The following CFAP57 variants were observed in gnomAD, a reference collection of about 807,000 sequenced individuals.
The protein encoded by CFAP57 is cilia and flagella associated protein 57, also known as cilia- and flagella-associated protein 57.
In CFAP57, 116 loss-of-function variants were observed where a neutral mutation model predicts 146.8. That is an observed-to-expected ratio of 0.79 (90% confidence interval 0.68 to 0.92). CFAP57 has a LOEUF of 0.92. Ranked by LOEUF, CFAP57 falls within the 40% of genes least tolerant of loss-of-function variation. The pLI is 0.00. For missense variants in CFAP57, 1,377 were observed against 1,527.2 expected (o/e 0.90, Z 1.64); for synonymous variants, 518 against 552.8 (o/e 0.94, Z 0.88).
chr1:43,232,311 G>GCAT, intron 18 of CFAP57, 197 bp from the exon 19 acceptor site: 1 of 599,018 alleles, frequency 1.7e-6, no homozygotes, highest in African/African-American at 1.8e-5. Context: ...TGCTGGTTTA[G>GCAT]CATATCAGTC....
In CFAP57 at chr1:43,234,282, C is replaced by G; in HGVS notation, c.3130C>G (p.Arg1044Gly). Residue 1044 changes from arginine (R) to glycine (G), a missense_variant, in exon 20 of 23, where the codon CGA (arginine) becomes GGA (glycine). Coordinates refer to ENST00000372492, the MANE Select transcript of CFAP57 (RefSeq NM_001378189.1). ...QEMRRERQKE[R>G]DLEALVKRFK... is the part of the protein sequence containing the mutation. The stretch of plus-strand genomic sequence containing the variant: ...AAGGAAACGTCTCTGATTGCAGGAG[C>G]GAGACTTGGAAGCGCTGGTCAAAAG... 1 of 1,545,790 alleles carries G rather than the reference C, an allele frequency of 6.5e-7. No individual in the cohort carries two copies. The highest frequency in any genetic ancestry group is 8.7e-7 in the Non-Finnish European group (1 of 1,144,680).
At chr1:43,192,130 T>G (rs1187766721) in intron 6 of CFAP57, among the ~76,000 whole-genome samples, 1 of 152,182 alleles carries the variant, frequency 6.6e-6, no homozygotes, top group Non-Finnish European at 1.5e-5. Context: ...TCTTTTAAAT[T>G]TATTAAGGTT....
At chr1:43,184,997 T>C (rs1642939039) in intron 4 of CFAP57, 152 bp from the exon 5 acceptor site, 2 of 821,658 alleles carry the variant, frequency 2.4e-6, no homozygotes, top group Non-Finnish European at 4.0e-6. Context: ...TGTGTACGGT[T>C]CCCAAGCCAA....
chr1:43,193,748 G>T (rs1569963782), intron 6 of CFAP57, among the ~76,000 whole-genome samples: 1 of 151,708 alleles, frequency 6.6e-6, no homozygotes, highest in East Asian at 1.9e-4. Flanking sequence ...ATATTTTAAA[G>T]AAGCTGAGGT....
Position 43,185,247 on chromosome 1 carries a change from C to T in CFAP57, c.860C>T (p.Ala287Val), listed in dbSNP as rs765560668. 2.8e-5 allele frequency: 45 copies of T among 1,614,028 alleles called. No homozygotes were observed. Among genetic ancestry groups the T allele is most frequent in the Non-Finnish European group, 3.6e-5 (43 of 1,180,044 alleles). Residue 287 changes from alanine (A) to valine (V), a missense_variant, in exon 5 of 23, where the codon GCC becomes GTC. Ala to Val is a moderately conservative substitution (Grantham distance 64). Transcript: ENST00000372492. ...CAGATGTCCATGCCCCAGGTGTTTG[C>T]CATTGCAGCCTATTCAAAGGGATTT... is the stretch of plus-strand genomic sequence containing the variant. ...HSQMSMPQVF[A>V]IAAYSKGFAC... is the part of the protein sequence containing the mutation.
chr1:43,179,429 A>G (rs907281023), intron 2 of CFAP57, among the ~76,000 whole-genome samples: 1 of 152,228 alleles, frequency 6.6e-6, no homozygotes, highest in East Asian at 1.9e-4. Context: ...AGTTCCAGAC[A>G]CTGGTGATTG....
intron 21 of CFAP57, 46 bp from the exon 22 acceptor site, chr1:43,243,181 A>G: frequency 6.5e-7 from 1 of 1,543,192 alleles, no homozygotes; most frequent in Non-Finnish European, 8.7e-7. Context: ...GTGCCCACTG[A>G]CCACTCATCC....
chr1:43,222,413 G>T (rs1269803693), intron 15 of CFAP57, 118 bp downstream of exon 15: 2 of 903,660 alleles, frequency 2.2e-6, no homozygotes, highest in Non-Finnish European at 3.0e-6. Context: ...GTCAGACATG[G>T]TTTCTACCCC....
rs1386359734 is a variant in CFAP57, at chr1:43,219,416, A to C, written c.2126A>C (p.Glu709Ala). ...QVMLELKTRV[E>A]ELKMENEYQL... ...ATGTTGGAGCTAAAGACTCGTGTGG[A>C]GGAATTAAAAATGGAGAATGAGTAT... is the stretch of plus-strand genomic sequence containing the variant. The change falls in exon 13 of 23, where the codon GAG becomes GCG. Residue 709 changes from glutamate (E) to alanine (A), a missense_variant. Physicochemically the swap from Glu to Ala is moderately radical, Grantham distance 107. Transcript: ENST00000372492. 1.3e-6 allele frequency: 2 copies of C among 1,550,724 alleles called. No individual in the cohort carries two copies. Among genetic ancestry groups the C allele is most frequent in the Non-Finnish European group, 1.7e-6 (2 of 1,147,002 alleles).
In CFAP57 at chr1:43,186,694, G is replaced by A; in HGVS notation, c.970-13G>A. ...TGGGGACATTACTGATAGCTGTTTT[G>A]CATTTTGGGCAGATTCCTGTGGACC... On this transcript the variant is annotated splice_polypyrimidine_tract_variant and intron_variant, in intron 5 of 22. Coordinates refer to ENST00000372492, the MANE Select transcript of CFAP57 (RefSeq NM_001378189.1). The A allele has an allele frequency of 6.2e-7, 1 of 1,613,016 alleles. No individual in the cohort carries two copies. Among genetic ancestry groups the A allele is most frequent in the Non-Finnish European group, 8.5e-7 (1 of 1,179,796 alleles).
intron 12 of CFAP57, among the ~76,000 whole-genome samples, chr1:43,218,423 G>A (rs1471525175): frequency 1.3e-5 from 2 of 151,896 alleles, no homozygotes; most frequent in Non-Finnish European, 2.9e-5. Context: ...AACATAGTGA[G>A]ATCCCCATCT....
At chr1:43,234,248 C>T (rs1273229530) in intron 19 of CFAP57, 31 bp from the exon 20 acceptor site, 3 of 1,531,694 alleles carry the variant, frequency 2.0e-6, no homozygotes, top group Admixed American at 2.1e-5. Flanking sequence ...GAGCACCCTA[C>T]AGCACCAGAA....
chr1:43,242,472 G>T (rs1217661412), intron 21 of CFAP57, among the ~76,000 whole-genome samples: 1 of 152,182 alleles, frequency 6.6e-6, no homozygotes, highest in Non-Finnish European at 1.5e-5. Flanking sequence ...TGGATGGATG[G>T]ATGGATGGAT....
At chr1:43,182,091 C>T (rs1645435787) in intron 3 of CFAP57, among the ~76,000 whole-genome samples, 1 of 152,154 alleles carries the variant, frequency 6.6e-6, no homozygotes, top group African/African-American at 2.4e-5. Flanking sequence ...CTAGGAGTTC[C>T]CCAACTCCAG....
chr1:43,228,654 T>A (rs1645348819), intron 18 of CFAP57, among the ~76,000 whole-genome samples: 1 of 149,280 alleles, frequency 6.7e-6, no homozygotes. Context: ...TGCCCCCAGC[T>A]GACCACAGAC....
intron 9 of CFAP57, among the ~76,000 whole-genome samples, chr1:43,200,030 C>T (rs1044041709): frequency 1.3e-5 from 2 of 151,836 alleles, no homozygotes; most frequent in Non-Finnish European, 2.9e-5. Context: ...ACTTTCAGGG[C>T]AGAGAATATG....
intron 12 of CFAP57, among the ~76,000 whole-genome samples, chr1:43,217,307 G>T (rs1373803351): frequency 6.6e-6 from 1 of 152,168 alleles, no homozygotes; most frequent in Admixed American, 6.5e-5. Context: ...ATCTCGGAGA[G>T]AATAATCTGC....
At chr1:43,183,971 C>G in intron 4 of CFAP57, 94 bp downstream of exon 4, 1 of 1,524,070 alleles carries the variant, frequency 6.6e-7, no homozygotes, top group African/African-American at 1.4e-5. Flanking sequence ...CATAACCCCT[C>G]TACCGTAAAA....
chr1:43,228,449 T>C (rs758068131), intron 18 of CFAP57, among the ~76,000 whole-genome samples: 4 of 127,820 alleles, frequency 3.1e-5, no homozygotes, highest in Non-Finnish European at 4.9e-5. Flanking sequence ...GGATAACAGA[T>C]ACAAGGGTGT....
Sources: gnomAD v4.1 joint callset for allele counts (sites outside exome capture counted in the v4.1 genomes callset) on GRCh38, gnomAD v4.1.1 for gene constraint, MANE v1.5 for transcripts, NCBI Gene and HGNC (gene_info 2026-07-23, HGNC 2026-07-21) for gene names.